ZNF221: variants seen among roughly 807,000 people sequenced by gnomAD.
ZNF221 encodes zinc finger protein 221.
In ZNF221, 10 loss-of-function variants were observed where a neutral mutation model predicts 12.6. The ratio of observed to expected loss-of-function variants is 0.79; its 90% CI spans 0.49 to 1.34. ZNF221 has a LOEUF of 1.34. ZNF221 is among the 40% of genes most tolerant of loss of function. The probability of loss-of-function intolerance (pLI) is 0.00; values close to 1 mark genes in which losing one functional copy is unlikely to be tolerated. For synonymous variants in ZNF221, 232 were observed against 244.0 expected, an observed-to-expected ratio of 0.95 and a Z score of 0.46; for missense variants, 661 against 721.4, an observed-to-expected ratio of 0.92 and a Z score of 0.96.
downstream of ZNF221, among the ~76,000 whole-genome samples, chr19:43,969,684 C>T (rs1439644711): frequency 6.6e-6 from 1 of 152,156 alleles, no homozygotes; most frequent in Admixed American, 6.5e-5. Flanking sequence ...TGATCCATTC[C>T]TCCCCACTGT....
chr19:43,954,763 A>G (rs968251499), intron 1 of ZNF221, among the ~76,000 whole-genome samples: 2 of 152,118 alleles, frequency 1.3e-5, no homozygotes, highest in African/African-American at 4.8e-5. Context: ...ATGGGGAAAA[A>G]AATTGAGGTA....
At chr19:43,953,205 C>T (rs1466856691) in intron 1 of ZNF221, among the ~76,000 whole-genome samples, 1 of 151,802 alleles carries the variant, frequency 6.6e-6, no homozygotes, top group East Asian at 1.9e-4. Context: ...CCCACCTCAG[C>T]CTCCCAAAGT....
At chr19:43,960,981 T>C (rs1258951869) in intron 1 of ZNF221, among the ~76,000 whole-genome samples, 2 of 152,126 alleles carry the variant, frequency 1.3e-5, no homozygotes, top group African/African-American at 4.8e-5. Context: ...GGATCTGTGG[T>C]AAGGGGACCA....
intron 1 of ZNF221, among the ~76,000 whole-genome samples, chr19:43,960,700 C>T (rs1199658268): frequency 1.3e-5 from 2 of 152,212 alleles, no homozygotes; most frequent in East Asian, 3.9e-4. Context: ...TAGAGTGCCC[C>T]AGGCGCAGGC....
the ZNF221 span, among the ~76,000 whole-genome samples, chr19:43,981,467 C>A: frequency 1.3e-5 from 2 of 152,210 alleles, no homozygotes; most frequent in Admixed American, 6.5e-5. Context: ...GGATAATATA[C>A]AAATGTACAA....
At position 43,967,388 on chromosome 19, in the gene ZNF221, G is replaced by A. The variant is rs1215943794; in HGVS notation, c.*32G>A. 1 of 1,539,740 alleles carries A rather than the reference G, an allele frequency of 6.5e-7. No homozygotes were observed. The highest frequency in any genetic ancestry group is 8.9e-7 in the Non-Finnish European group (1 of 1,127,268). On this transcript the variant is annotated 3_prime_UTR_variant, in exon 5 of 5. Coordinates refer to ENST00000587682, the MANE Select transcript of ZNF221 (RefSeq NM_001297588.2). Reference sequence around the variant, plus strand: ...GAAGTGTGGGAAGGGCTTTGGCTGGGCCTCAACTCATCTGACCCATCAATT... The same window carrying A: ...GAAGTGTGGGAAGGGCTTTGGCTGGACCTCAACTCATCTGACCCATCAATT...
At position 43,966,630 on chromosome 19, in the gene ZNF221, T is replaced by C. The variant is rs1974968266; in HGVS notation, c.1128T>C (p.Ile376=). Residue 376 remains isoleucine, a synonymous_variant, in exon 5 of 5, where the codon ATT becomes ATC. Coordinates refer to ENST00000587682, the MANE Select transcript of ZNF221 (RefSeq NM_001297588.2). The part of the protein sequence containing the change: ...YKCEQCGKGF[I]CRRDFCKHQM... The stretch of plus-strand genomic sequence containing the variant: ...GTGAGCAATGTGGAAAAGGCTTCAT[T>C]TGTAGGCGAGATTTTTGTAAGCATC... The C allele has an allele frequency of 6.2e-7, 1 of 1,614,044 alleles. No individual in the cohort carries two copies. The highest frequency in any genetic ancestry group is 1.1e-5 in the South Asian group (1 of 91,080).
downstream of ZNF221, among the ~76,000 whole-genome samples, chr19:43,969,655 G>A (rs1975055383): frequency 6.6e-6 from 1 of 152,144 alleles, no homozygotes; most frequent in South Asian, 2.1e-4. Flanking sequence ...GGCCCAGACT[G>A]CTTCTTTAAG....
chr19:43,962,272 T>C (rs1381631788), intron 1 of ZNF221, among the ~76,000 whole-genome samples: 1 of 152,194 alleles, frequency 6.6e-6, no homozygotes, highest in Non-Finnish European at 1.5e-5. Context: ...CATAATTCAG[T>C]TTAGATCATT....
Position 43,965,809 on chromosome 19 carries a change from A to G in ZNF221, c.307A>G (p.Lys103Glu), listed in dbSNP as rs749427673. The G allele has an allele frequency of 1.9e-6, 3 of 1,584,816 alleles. No homozygotes were observed. Among genetic ancestry groups the G allele is most frequent in the Non-Finnish European group, 1.7e-6 (2 of 1,165,330 alleles). The change falls in exon 5 of 5, where the codon AAG becomes GAG. Residue 103 changes from lysine to glutamate, a missense_variant. By Grantham distance (56) the Lys-to-Glu change is moderately conservative (BLOSUM62 1). Transcript: ENST00000587682. ...TTAATTCTGTGTCTTTTTAGGAGGC[A>G]AGATCCAAATTGAGATGGAGACTGT... Reference protein sequence around the residue: ...TSQREGNSGGKIQIEMETVPE... With the variant: ...TSQREGNSGGEIQIEMETVPE...
chr19:43,974,370 GC>G, the ZNF221 span, among the ~76,000 whole-genome samples: 1 of 152,120 alleles, frequency 6.6e-6, no homozygotes, highest in South Asian at 2.1e-4. Context: ...AAAAGCAATT[GC>G]AACAAAAGCA....
intron 2 of ZNF221, 71 bp downstream of exon 2, chr19:43,962,878 C>T: frequency 7.1e-7 from 1 of 1,415,874 alleles, no homozygotes; most frequent in Non-Finnish European, 9.7e-7. Flanking sequence ...TTTTATCTGT[C>T]TTGGGAAGAC....
downstream of ZNF221, among the ~76,000 whole-genome samples, chr19:43,971,230 C>T (rs901831518): frequency 1.3e-5 from 2 of 152,100 alleles, no homozygotes; most frequent in Non-Finnish European, 2.9e-5. Flanking sequence ...CACCACCAGG[C>T]CTTCCTTGCA....
At chr19:43,976,228 T>C in the ZNF221 span, among the ~76,000 whole-genome samples, 9 of 151,880 alleles carry the variant, frequency 5.9e-5, no homozygotes, top group African/African-American at 1.9e-4. Context: ...GCAGATGTAG[T>C]TACATTGACA....
At chr19:43,972,653 AAG>A (rs1395327685), downstream of ZNF221, among the ~76,000 whole-genome samples, 7 of 151,888 alleles carry the variant, frequency 4.6e-5, no homozygotes, top group Non-Finnish European at 1.0e-4. Context: ...AATCTAGAAA[AAG>A]AGAATAAATT....
chr19:43,966,651 G>A lies in ZNF221; in HGVS notation c.1149G>A (p.Lys383=), dbSNP rs1464586047. 1 of 1,613,560 alleles carries A rather than the reference G, an allele frequency of 6.2e-7. No homozygotes were observed. The highest frequency in any genetic ancestry group is 8.5e-7 in the Non-Finnish European group (1 of 1,179,864). ...KGFICRRDFC[K]HQMVHTGEKP... ...TCATTTGTAGGCGAGATTTTTGTAA[G>A]CATCAGATGGTCCACACAGGAGAGA... The change falls in exon 5 of 5, where the codon AAG becomes AAA. Residue 383 remains lysine (K), a synonymous_variant. Coordinates refer to ENST00000587682, the MANE Select transcript of ZNF221 (RefSeq NM_001297588.2).
intron 1 of ZNF221, among the ~76,000 whole-genome samples, chr19:43,958,099 G>A (rs1311150968): frequency 1.3e-5 from 2 of 152,186 alleles, no homozygotes; most frequent in East Asian, 3.8e-4. Context: ...TTCGCAATCA[G>A]GCCATGTATA....
Position 43,967,306 on chromosome 19 carries a change from T to A in ZNF221, c.1804T>A (p.Phe602Ile). The A allele has an allele frequency of 6.2e-7, 1 of 1,613,500 alleles. No homozygotes were observed. The highest frequency in any genetic ancestry group is 2.2e-5 in the East Asian group (1 of 44,814). ...AGTGTGGGAAGAGATCTACTCAGAA[T>A]TCACAGCTTCATTTACATCAGTAAG... ...SGVWEEIYSE[F>I]TASFTSVSLC... Residue 602 changes from phenylalanine to isoleucine, a missense_variant, in exon 5 of 5, where the codon TTC becomes ATC. Transcript: ENST00000587682.
intron 1 of ZNF221, among the ~76,000 whole-genome samples, chr19:43,957,587 C>T (rs2147334596): frequency 6.6e-6 from 1 of 152,296 alleles, no homozygotes; most frequent in South Asian, 2.1e-4. Context: ...CCATGACTCT[C>T]TCTCTTTCTT....
Sources: gnomAD v4.1 joint callset for allele counts (sites outside exome capture counted in the v4.1 genomes callset) on GRCh38, gnomAD v4.1.1 for gene constraint, MANE v1.5 for transcripts, NCBI Gene and HGNC (gene_info 2026-07-23, HGNC 2026-07-21) for gene names.